The following DNAH7 variants were observed in gnomAD, a reference collection of about 807,000 sequenced individuals.
DNAH7 encodes the protein axonemal beta dynein heavy chain 7.
DNAH7 carries 397 observed loss-of-function variants against 444.6 expected under a neutral mutation model. The observed-to-expected ratio is 0.89, with a 90% CI of 0.82 to 0.97. The LOEUF (loss-of-function observed/expected upper bound fraction) is 0.97, where lower values mean the gene tolerates loss of function less well. Ranked by LOEUF, DNAH7 falls within the 50% of genes least tolerant of loss-of-function variation. DNAH7 has a pLI of 0.00. For missense variants in DNAH7, 4,902 were observed against 4,800.8 expected (o/e 1.02, Z -0.62); for synonymous variants, 1,636 against 1,624.4 (o/e 1.01, Z -0.17).
At position 195,880,475 on chromosome 2, in the gene DNAH7, C is replaced by T. The variant is rs565593775; in HGVS notation, c.5961+1320G>A. Reference sequence around the variant, plus strand: ...ACCTGAGTAGCTGGGACTACAGGCGCCCGCCACCACACCCGGCTACTTTTT... The same window carrying T: ...ACCTGAGTAGCTGGGACTACAGGCGTCCGCCACCACACCCGGCTACTTTTT... On this transcript the variant is annotated intron_variant, in intron 36 of 64. Transcript: ENST00000312428. 1.4e-4 allele frequency among the ~76,000 whole-genome samples: 22 copies of T among 151,950 alleles called. No homozygotes were observed. In the East Asian group the frequency reaches 4.1e-3, roughly 28 times the overall value.
chr2:195,740,646 CATAT>C (rs878858992), intron 64 of DNAH7, 116 bp downstream of exon 64: 2,642 of 56,960 alleles, frequency 0.046, 96 homozygotes, highest in African/African-American at 0.15. Context: ...TATATATATA[CATAT>C]ACACACACAC....
chr2:195,936,915 G>T, intron 19 of DNAH7, 123 bp from the exon 20 acceptor site: 1 of 841,584 alleles, frequency 1.2e-6, no homozygotes, highest in Non-Finnish European at 1.7e-6. Flanking sequence ...TTTAAGGGGA[G>T]TATTTGTTTT....
chr2:195,877,081 G>C (rs1028710329), intron 36 of DNAH7, among the ~76,000 whole-genome samples: 1 of 152,030 alleles, frequency 6.6e-6, no homozygotes, highest in Non-Finnish European at 1.5e-5. Context: ...CATACAAAGC[G>C]ATCTTTCTGT....
chr2:195,787,348 T>C (rs1695671445), intron 57 of DNAH7, among the ~76,000 whole-genome samples, 177 bp from the exon 58 acceptor site: 1 of 152,204 alleles, frequency 6.6e-6, no homozygotes. Flanking sequence ...AAGCAAAGTA[T>C]GTCCGTCTGT....
chr2:195,872,804 C>T (rs367718408), intron 39 of DNAH7, among the ~76,000 whole-genome samples: 3 of 151,954 alleles, frequency 2.0e-5, no homozygotes, highest in African/African-American at 4.8e-5. Flanking sequence ...AAGTATTTCC[C>T]GACCTCTTTC....
chr2:195,970,155 T>A (rs1691749632), intron 16 of DNAH7, 61 bp from the exon 17 acceptor site: 5 of 1,489,910 alleles, frequency 3.4e-6, no homozygotes, highest in Non-Finnish European at 3.6e-6. Flanking sequence ...TGTCAAAAAA[T>A]TTTAACATTG....
intron 1 of DNAH7, 91 bp from the exon 2 acceptor site, chr2:196,058,207 C>T: frequency 1.1e-6 from 1 of 871,030 alleles, no homozygotes; most frequent in Non-Finnish European, 1.7e-6. Context: ...TTATTGTAAG[C>T]ATACATCATC....
At chr2:196,059,943 C>T (rs958803636) in intron 1 of DNAH7, among the ~76,000 whole-genome samples, 14 of 152,130 alleles carry the variant, frequency 9.2e-5, no homozygotes, top group African/African-American at 3.4e-4. Context: ...TGGCTGGGCG[C>T]AGTGGCTCAT....
chr2:195,947,801 A>G (rs1407534465), intron 19 of DNAH7, among the ~76,000 whole-genome samples: 1 of 152,168 alleles, frequency 6.6e-6, no homozygotes, highest in Non-Finnish European at 1.5e-5. Flanking sequence ...TCCTGTGGGT[A>G]TATACCCAGT....
At chr2:195,991,564 C>T (rs967647800) in intron 12 of DNAH7, among the ~76,000 whole-genome samples, 2 of 152,134 alleles carry the variant, frequency 1.3e-5, no homozygotes, top group African/African-American at 4.8e-5. Flanking sequence ...TATTTTTGTA[C>T]AAAATTGCTA....
chr2:196,030,631 G>C (rs1235815310), intron 5 of DNAH7, among the ~76,000 whole-genome samples: 1 of 152,144 alleles, frequency 6.6e-6, no homozygotes, highest in Non-Finnish European at 1.5e-5. Context: ...ACAGGTATTG[G>C]GTAAATACAG....
intron 61 of DNAH7, among the ~76,000 whole-genome samples, chr2:195,756,989 C>G (rs1694103587): frequency 6.7e-6 from 1 of 149,706 alleles, no homozygotes; most frequent in Non-Finnish European, 1.5e-5. Context: ...GAGACCCTGT[C>G]TCAAAAAAAA....
chr2:195,774,842 T>C (rs1456715267), intron 60 of DNAH7, among the ~76,000 whole-genome samples: 3 of 152,180 alleles, frequency 2.0e-5, no homozygotes, highest in Non-Finnish European at 4.4e-5. Context: ...CACAAAAAGA[T>C]CAGTTACAAT....
chr2:195,824,979 A>G lies in DNAH7; in HGVS notation c.9101-534T>C, dbSNP rs570989822. 3.3e-5 allele frequency: 5 copies of G among 152,408 alleles called. No homozygotes were observed. The South Asian group carries it at 1.0e-3, about 32-fold the overall frequency. The allele number at this position is 152,408 out of a possible 1,614,324, so 9.4% of individuals were successfully genotyped here. A position where few individuals can be genotyped will look rare whatever the true frequency, so the allele number is the denominator to read the frequency against. Reference sequence around the variant, plus strand: ...TGACTCACACAGTATATAGATTGATAGAAAAATGACACAAAGGCCAGGCAC... The same window carrying G: ...TGACTCACACAGTATATAGATTGATGGAAAAATGACACAAAGGCCAGGCAC... On this transcript the variant is annotated intron_variant, in intron 48 of 64. Coordinates refer to ENST00000312428, the MANE Select transcript of DNAH7 (RefSeq NM_018897.3).
chr2:195,939,648 G>T (rs1035796551), intron 19 of DNAH7, among the ~76,000 whole-genome samples: 1 of 151,796 alleles, frequency 6.6e-6, no homozygotes, highest in Non-Finnish European at 1.5e-5. Context: ...TCATTTTTTT[G>T]GTTAAAAGAA....
chr2:195,831,899 T>C (rs185991815), intron 48 of DNAH7, among the ~76,000 whole-genome samples: 211 of 152,278 alleles, frequency 1.4e-3, no homozygotes, highest in African/African-American at 4.5e-3. Flanking sequence ...ACTACCTTGG[T>C]TAAGCCTTTT....
chr2:195,936,388 CA>C (rs1559244388), intron 20 of DNAH7, among the ~76,000 whole-genome samples: 2 of 151,778 alleles, frequency 1.3e-5, no homozygotes, highest in Non-Finnish European at 2.9e-5. Context: ...AACAAAAAAA[CA>C]AACAAAAAAA....
chr2:196,044,201 ATATGTG>A (rs933858902), intron 5 of DNAH7, among the ~76,000 whole-genome samples: 25 of 132,712 alleles, frequency 1.9e-4, no homozygotes, highest in South Asian at 1.1e-3. Context: ...ATATATATAT[ATATGTG>A]TGTGTGTGTG....
intron 57 of DNAH7, among the ~76,000 whole-genome samples, chr2:195,792,793 G>A (rs1695947861): frequency 2.0e-5 from 3 of 152,062 alleles, no homozygotes; most frequent in African/African-American, 7.2e-5. Context: ...CCTGATGTGG[G>A]GGCAGGGGAG....
Sources: allele counts gnomAD v4.1 joint callset (sites outside exome capture counted in the v4.1 genomes callset), GRCh38; gene constraint gnomAD v4.1.1; transcripts MANE v1.5; gene names NCBI Gene and HGNC (gene_info 2026-07-23, HGNC 2026-07-21).